EXOC4: variants seen among roughly 807,000 people sequenced by gnomAD.
The protein encoded by EXOC4 is SEC8-like 1.
In EXOC4, 71 loss-of-function variants were observed where a neutral mutation model predicts 107.2. The ratio of observed to expected loss-of-function variants is 0.66; its 90% CI spans 0.55 to 0.81. The LOEUF (loss-of-function observed/expected upper bound fraction) is 0.81. EXOC4 is among the 30% of genes least tolerant of loss of function. The pLI is 0.00. For synonymous variants in EXOC4, 456 were observed against 441.2 expected, an observed-to-expected ratio of 1.03 and a Z score of -0.42; for missense variants, 1,108 against 1,189.6, an observed-to-expected ratio of 0.93 and a Z score of 1.01.
At chr7:133,562,401 G>A (rs575495520) in intron 9 of EXOC4, among the ~76,000 whole-genome samples, 58 of 152,218 alleles carry the variant, frequency 3.8e-4, no homozygotes, top group Admixed American at 1.6e-3. Context: ...TAGGTTCCCC[G>A]GCTTGCCTGA....
At chr7:133,580,843 A>G (rs543663391) in intron 9 of EXOC4, among the ~76,000 whole-genome samples, 1 of 152,344 alleles carries the variant, frequency 6.6e-6, no homozygotes, top group African/African-American at 2.4e-5. Flanking sequence ...TGTACTATCC[A>G]TATGTTTTTC....
In EXOC4 at chr7:133,618,384, T is replaced by C. The variant is rs545574647; in HGVS notation, c.1418-11661T>C. On this transcript the variant is annotated intron_variant, in intron 9 of 17. Coordinates refer to ENST00000253861, the MANE Select transcript of EXOC4 (RefSeq NM_021807.4). ...TCTCACCCATGCTATTATTTTTTAA[T>C]GAGGTTGGGAGTAAATTCCTAGAAC... Among the ~76,000 whole-genome samples, 26 of 152,258 alleles carry C rather than the reference T, an allele frequency of 1.7e-4. 1 individual carries two copies. The South Asian group carries it at 4.8e-3, about 28-fold the overall frequency.
chr7:133,809,872 C>T (rs1484105714), intron 10 of EXOC4, among the ~76,000 whole-genome samples: 2 of 152,190 alleles, frequency 1.3e-5, no homozygotes, highest in African/African-American at 2.4e-5. Context: ...TACTTGTGCT[C>T]TAAAACCAGA....
At chr7:133,526,696 G>C (rs1800084945) in intron 9 of EXOC4, among the ~76,000 whole-genome samples, 1 of 152,176 alleles carries the variant, frequency 6.6e-6, no homozygotes, top group Admixed American at 6.5e-5. Context: ...ATATAGCCGG[G>C]CGTAGTGGCT....
chr7:133,633,033 A>C (rs1293673001), intron 10 of EXOC4, among the ~76,000 whole-genome samples: 1 of 152,158 alleles, frequency 6.6e-6, no homozygotes, highest in Non-Finnish European at 1.5e-5. Context: ...CTTTAGTTTT[A>C]CTCAATGCTT....
At chr7:133,384,695 A>G (rs1296943663) in intron 7 of EXOC4, among the ~76,000 whole-genome samples, 5 of 141,022 alleles carry the variant, frequency 3.5e-5, no homozygotes, top group Non-Finnish European at 7.6e-5. Flanking sequence ...AGGTAATTAC[A>G]TTTTCCTGAA....
At chr7:134,091,617 G>A in the EXOC4 span, among the ~76,000 whole-genome samples, 4 of 152,156 alleles carry the variant, frequency 2.6e-5, no homozygotes, top group Non-Finnish European at 4.4e-5. Flanking sequence ...AGTTGCTCTG[G>A]TTCAATGCCT....
At chr7:133,876,972 A>C (rs1798862966) in intron 11 of EXOC4, among the ~76,000 whole-genome samples, 1 of 152,038 alleles carries the variant, frequency 6.6e-6, no homozygotes, top group African/African-American at 2.4e-5. Context: ...CTTCAAATCA[A>C]ATTTGGAAAA....
chr7:133,938,633 T>A (rs1436629611), intron 14 of EXOC4, among the ~76,000 whole-genome samples: 2 of 152,218 alleles, frequency 1.3e-5, no homozygotes, highest in African/African-American at 4.8e-5. Flanking sequence ...GGGGAACCTC[T>A]TTTTCTATGA....
At chr7:133,883,110 C>T (rs1799000308) in intron 11 of EXOC4, among the ~76,000 whole-genome samples, 1 of 152,040 alleles carries the variant, frequency 6.6e-6, no homozygotes, top group South Asian at 2.1e-4. Context: ...GTTACTTTTC[C>T]CTGATTTTGA....
At chr7:133,664,289 GT>G (rs1335714873) in intron 10 of EXOC4, among the ~76,000 whole-genome samples, 2 of 152,094 alleles carry the variant, frequency 1.3e-5, no homozygotes, top group Non-Finnish European at 2.9e-5. Flanking sequence ...ATTTTTGTCT[GT>G]TTTGTTCACT....
At chr7:133,309,708 G>A (rs1163339321) in intron 4 of EXOC4, among the ~76,000 whole-genome samples, 3 of 152,210 alleles carry the variant, frequency 2.0e-5, no homozygotes, top group Non-Finnish European at 4.4e-5. Flanking sequence ...GGGAAGCCGA[G>A]GTGGGAGGAT....
At chr7:133,627,689 T>G (rs1802490015) in intron 9 of EXOC4, among the ~76,000 whole-genome samples, 1 of 152,182 alleles carries the variant, frequency 6.6e-6, no homozygotes, top group African/African-American at 2.4e-5. Flanking sequence ...AGTGTAGTGT[T>G]TGTGTCAGTC....
intron 6 of EXOC4, among the ~76,000 whole-genome samples, chr7:133,366,147 A>G (rs533145053): frequency 1.3e-5 from 2 of 152,190 alleles, no homozygotes; most frequent in Non-Finnish European, 2.9e-5. Context: ...ATTTAGATTC[A>G]GATAGTCTTA....
intron 16 of EXOC4, among the ~76,000 whole-genome samples, chr7:134,006,272 C>T (rs1266578443): frequency 2.0e-5 from 3 of 151,858 alleles, no homozygotes; most frequent in Admixed American, 6.6e-5. Flanking sequence ...TCTTGCAGAC[C>T]ACGTTATATT....
chr7:133,919,533 C>T (rs1799890976), intron 13 of EXOC4, among the ~76,000 whole-genome samples: 1 of 152,098 alleles, frequency 6.6e-6, no homozygotes, highest in East Asian at 1.9e-4. Context: ...TCCTATTCAT[C>T]CCTCCCTCCC....
intron 5 of EXOC4, among the ~76,000 whole-genome samples, chr7:133,349,495 C>T (rs1795860384): frequency 6.6e-6 from 1 of 152,164 alleles, no homozygotes; most frequent in South Asian, 2.1e-4. Flanking sequence ...GAATTTCCTT[C>T]CTTTTTAAAG....
At chr7:133,586,871 C>T (rs1176853790) in intron 9 of EXOC4, among the ~76,000 whole-genome samples, 2 of 152,134 alleles carry the variant, frequency 1.3e-5, no homozygotes, top group South Asian at 2.1e-4. Flanking sequence ...CACTCCGTCA[C>T]CCAGGCTGGA....
chr7:133,780,772 A>C (rs536994197), intron 10 of EXOC4, among the ~76,000 whole-genome samples: 2 of 152,164 alleles, frequency 1.3e-5, no homozygotes, highest in African/African-American at 2.4e-5. Context: ...CTGTAGACCA[A>C]CCAACAGCTG....
Sources: gnomAD v4.1 joint callset for allele counts (sites outside exome capture counted in the v4.1 genomes callset) on GRCh38, gnomAD v4.1.1 for gene constraint, MANE v1.5 for transcripts, NCBI Gene and HGNC (gene_info 2026-07-23, HGNC 2026-07-21) for gene names.